Variants in PDGFD observed in about 807,000 individuals in gnomAD.
The protein encoded by PDGFD is platelet derived growth factor D.
A neutral mutation model predicts 44.7 loss-of-function variants in PDGFD; 30 were observed. That is an observed-to-expected ratio of 0.67 (90% CI 0.50 to 0.91). PDGFD has a LOEUF of 0.91. Ranked by LOEUF, PDGFD falls within the 40% of genes least tolerant of loss-of-function variation. The pLI is 0.00. For synonymous variants in PDGFD, 173 were observed against 168.4 expected, an observed-to-expected ratio of 1.03 and a Z score of -0.21; for missense variants, 445 against 457.8, an observed-to-expected ratio of 0.97 and a Z score of 0.25.
At chr11:104,154,532 G>A (rs1862281510) in intron 1 of PDGFD, among the ~76,000 whole-genome samples, 1 of 152,114 alleles carries the variant, frequency 6.6e-6, no homozygotes, top group Non-Finnish European at 1.5e-5. Context: ...TGGGTACAGG[G>A]GAGGAGAGGA....
chr11:103,943,428 A>G (rs1020308676), intron 5 of PDGFD, 24 bp downstream of exon 5: 2 of 1,593,578 alleles, frequency 1.3e-6, no homozygotes, highest in African/African-American at 1.3e-5. Context: ...GCTTATGAAG[A>G]ATGTACAAGT....
At chr11:104,043,772 G>T (rs917930681) in intron 1 of PDGFD, among the ~76,000 whole-genome samples, 2 of 152,016 alleles carry the variant, frequency 1.3e-5, no homozygotes, top group African/African-American at 4.8e-5. Context: ...CCATGGGGGA[G>T]GTCATAGATT....
At chr11:103,947,774 A>G in intron 3 of PDGFD, 50 bp from the exon 4 acceptor site, 1 of 1,337,934 alleles carries the variant, frequency 7.5e-7, no homozygotes, top group East Asian at 2.3e-5. Flanking sequence ...TGTTCAATTC[A>G]TTATGTGCAC....
At chr11:103,962,142 CT>C (rs1000519564) in intron 3 of PDGFD, among the ~76,000 whole-genome samples, 1 of 152,052 alleles carries the variant, frequency 6.6e-6, no homozygotes, top group Non-Finnish European at 1.5e-5. Context: ...TTTGGAAAAA[CT>C]TTTTGAAATG....
At chr11:104,055,640 C>T (rs1860607673) in intron 1 of PDGFD, among the ~76,000 whole-genome samples, 1 of 152,074 alleles carries the variant, frequency 6.6e-6, no homozygotes, top group African/African-American at 2.4e-5. Flanking sequence ...ATTAAGGTGA[C>T]CAGTTTAAAA....
chr11:104,005,742 C>T (rs1301420502), intron 1 of PDGFD, among the ~76,000 whole-genome samples: 1 of 152,186 alleles, frequency 6.6e-6, no homozygotes, highest in African/African-American at 2.4e-5. Context: ...TGACCTCAGG[C>T]ACAAAGCTTG....
At chr11:103,946,758 A>G (rs2134325171) in intron 4 of PDGFD, among the ~76,000 whole-genome samples, 2 of 152,302 alleles carry the variant, frequency 1.3e-5, no homozygotes, top group South Asian at 4.1e-4. Flanking sequence ...ACTGTCAAAG[A>G]TCTCTCCAAT....
At chr11:103,980,766 C>A (rs1316688689) in intron 3 of PDGFD, among the ~76,000 whole-genome samples, 4 of 151,944 alleles carry the variant, frequency 2.6e-5, no homozygotes, top group Non-Finnish European at 5.9e-5. Context: ...CTTATGAAAG[C>A]AACCCCAGAG....
intron 1 of PDGFD, among the ~76,000 whole-genome samples, chr11:104,022,547 C>T (rs1244037765): frequency 1.3e-5 from 2 of 152,000 alleles, no homozygotes; most frequent in South Asian, 2.1e-4. Context: ...TTCCAAAATA[C>T]CTGACTGCAA....
At chr11:104,031,210 T>C (rs917733659) in intron 1 of PDGFD, among the ~76,000 whole-genome samples, 4 of 151,964 alleles carry the variant, frequency 2.6e-5, no homozygotes, top group Non-Finnish European at 5.9e-5. Flanking sequence ...AGACAACCTA[T>C]AGAATGGGAG....
At chr11:103,926,833 G>T in intron 6 of PDGFD, 79 bp downstream of exon 6, 1 of 1,431,354 alleles carries the variant, frequency 7.0e-7, no homozygotes, top group South Asian at 1.3e-5. Flanking sequence ...TGAACAACCT[G>T]AACAACTGTA....
At chr11:104,007,178 G>A (rs1218515236) in intron 1 of PDGFD, among the ~76,000 whole-genome samples, 1 of 152,128 alleles carries the variant, frequency 6.6e-6, no homozygotes, top group African/African-American at 2.4e-5. Flanking sequence ...GAAGTATCCC[G>A]TTTTACTGTC....
intron 3 of PDGFD, among the ~76,000 whole-genome samples, chr11:103,961,801 C>G (rs1028333337): frequency 6.6e-6 from 1 of 152,164 alleles, no homozygotes. Context: ...TCACCCTTTT[C>G]CTACATACAG....
chr11:103,928,381 A>C (rs1440474197), intron 5 of PDGFD, among the ~76,000 whole-genome samples: 2 of 152,222 alleles, frequency 1.3e-5, no homozygotes, highest in African/African-American at 4.8e-5. Context: ...GGCAGTTATC[A>C]CCATGTTCAT....
intron 5 of PDGFD, among the ~76,000 whole-genome samples, chr11:103,927,731 A>G (rs965141552): frequency 9.9e-5 from 15 of 152,234 alleles, no homozygotes; most frequent in Admixed American, 9.8e-4. Context: ...CCTAGATGGC[A>G]GTATAGCATA....
chr11:103,917,675 T>A (rs748784430), intron 6 of PDGFD, among the ~76,000 whole-genome samples: 34 of 152,170 alleles, frequency 2.2e-4, no homozygotes, highest in Admixed American at 4.6e-4. Context: ...ATACTGAGAT[T>A]CTAAAGGAGG....
chr11:104,025,028 C>A (rs765776007), intron 1 of PDGFD, among the ~76,000 whole-genome samples: 12 of 152,216 alleles, frequency 7.9e-5, no homozygotes, highest in African/African-American at 1.4e-4. Context: ...AGATCCTTCT[C>A]TTAAATGTAA....
intron 1 of PDGFD, among the ~76,000 whole-genome samples, chr11:104,001,637 C>T (rs1297923804): frequency 6.6e-6 from 1 of 152,200 alleles, no homozygotes; most frequent in Non-Finnish European, 1.5e-5. Flanking sequence ...TACAGTGGAT[C>T]CCCTTTTCAT....
intron 1 of PDGFD, among the ~76,000 whole-genome samples, chr11:104,048,335 AT>A (rs1860475020): frequency 6.6e-6 from 1 of 151,504 alleles, no homozygotes; most frequent in Non-Finnish European, 1.5e-5. Flanking sequence ...AAGCAACTAG[AT>A]AGAGCGAAAC....
Sources: gnomAD v4.1 joint callset for allele counts (sites outside exome capture counted in the v4.1 genomes callset) on GRCh38, gnomAD v4.1.1 for gene constraint, MANE v1.5 for transcripts, NCBI Gene and HGNC (gene_info 2026-07-23, HGNC 2026-07-21) for gene names.